Variants in ATP2B1 observed in about 807,000 individuals in gnomAD.
The protein encoded by ATP2B1 is ATPase plasma membrane Ca2+ transporting 1.
ATP2B1 carries 14 observed loss-of-function variants against 124.2 expected under a neutral mutation model. That is an observed-to-expected ratio of 0.11 (90% CI 0.07 to 0.18). The LOEUF (loss-of-function observed/expected upper bound fraction) is 0.18. Among genes scored for constraint, ATP2B1 ranks in the 10% least tolerant of loss-of-function variants. ATP2B1 has a pLI of 1.00. For missense variants in ATP2B1, 763 were observed against 1,466.1 expected (o/e 0.52, Z 7.83); for synonymous variants, 449 against 492.4 (o/e 0.91, Z 1.17).
In ATP2B1 at chr12:89,656,026, T is replaced by C. The variant is rs1885913868; in HGVS notation, c.-140A>G. 1 of 843,164 alleles carries C rather than the reference T, an allele frequency of 1.2e-6. No homozygotes were observed. 52.2% of individuals were successfully genotyped at this position (843,164 alleles called of 1,614,324 possible). A position where few individuals can be genotyped will look rare whatever the true frequency, so the allele number is the denominator to read the frequency against. The stretch of plus-strand genomic sequence containing the variant: ...CATTGTATGACTTTGTAAAGCAGCA[T>C]CAGCAGCAACATTTCCCAGAGAAGT... On this transcript the variant is annotated 5_prime_UTR_variant, in exon 2 of 21. The change abolishes an upstream ATG in the 5' untranslated region. Coordinates refer to ENST00000428670, the MANE Select transcript of ATP2B1 (RefSeq NM_001366521.1).
At chr12:89,636,988 A>G (rs1476376557) in intron 3 of ATP2B1, among the ~76,000 whole-genome samples, 1 of 152,224 alleles carries the variant, frequency 6.6e-6, no homozygotes, top group Non-Finnish European at 1.5e-5. Flanking sequence ...GCCAGAAGAC[A>G]GGAGATTAAC....
chr12:89,627,228 G>A (rs1881029096), intron 7 of ATP2B1, among the ~76,000 whole-genome samples: 2 of 151,856 alleles, frequency 1.3e-5, no homozygotes, highest in South Asian at 2.1e-4. Flanking sequence ...CCTGTGATGC[G>A]GAATAGTCAA....
In ATP2B1 at chr12:89,630,491, ATTG is replaced by A; in HGVS notation, c.928+11_928+13del. On this transcript the variant is annotated intron_variant, in intron 6 of 20. Coordinates refer to ENST00000428670, the MANE Select transcript of ATP2B1 (RefSeq NM_001366521.1). ...TATTTCCAAATACCAATTATAGAAA[ATTG>A]TTATTCTTACTTTTCTTTTCCTTTT... 1 of 1,531,690 alleles carries A rather than the reference ATTG, an allele frequency of 6.5e-7. No individual in the cohort carries two copies. Among genetic ancestry groups the A allele is most frequent in the Non-Finnish European group, 8.8e-7 (1 of 1,136,036 alleles). 94.9% of individuals were successfully genotyped at this position (1,531,690 alleles called of 1,614,324 possible). A position where few individuals can be genotyped will look rare whatever the true frequency, so the allele number is the denominator to read the frequency against.
At chr12:89,626,141 A>G (rs1880839680) in intron 8 of ATP2B1, among the ~76,000 whole-genome samples, 1 of 152,210 alleles carries the variant, frequency 6.6e-6, no homozygotes, top group African/African-American at 2.4e-5. Flanking sequence ...ATTAAAATAT[A>G]ATTAGTTCAT....
intron 1 of ATP2B1, among the ~76,000 whole-genome samples, chr12:89,683,603 C>T (rs1237074363): frequency 1.3e-5 from 2 of 152,154 alleles, no homozygotes; most frequent in African/African-American, 4.8e-5. Context: ...TTCTATCCAG[C>T]CCCCGGTCAT....
At position 89,642,204 on chromosome 12, in the gene ATP2B1, T is replaced by C. The variant is rs1043904959; in HGVS notation, c.360A>G (p.Val120=). 7 of 1,613,750 alleles carry C rather than the reference T, an allele frequency of 4.3e-6. No homozygotes were observed. Among genetic ancestry groups the C allele is most frequent in the Non-Finnish European group, 5.9e-6 (7 of 1,179,750 alleles). Residue 120 remains valine, a synonymous_variant, in exon 3 of 21, where the codon GTA becomes GTG. Transcript: ENST00000428670. ...GCTGATAAAAAGAAAGGCCCAATGA[T>C]ACTATGGCTGCAATTTCTAATATAA... ...TLIILEIAAI[V]SLGLSFYQPP... is the part of the protein sequence containing the mutation.
chr12:89,706,306 G>A (rs1892447435), intron 1 of ATP2B1, among the ~76,000 whole-genome samples: 1 of 151,160 alleles, frequency 6.6e-6, no homozygotes, highest in African/African-American at 2.4e-5. Flanking sequence ...TAAGTTGTTG[G>A]AAGACAACAA....
At chr12:89,598,658 T>C in intron 20 of ATP2B1, 1 of 1,614,004 alleles carries the variant, frequency 6.2e-7, no homozygotes, top group Non-Finnish European at 8.5e-7. Context: ...ATTTGTTACA[T>C]CATGATGCTG....
chr12:89,612,481 C>G (rs1008121749), intron 12 of ATP2B1, among the ~76,000 whole-genome samples: 1 of 151,828 alleles, frequency 6.6e-6, no homozygotes, highest in Non-Finnish European at 1.5e-5. Flanking sequence ...CTATTTAGCT[C>G]TAGCCTATTT....
At chr12:89,642,047 T>C (rs1000390709) in intron 3 of ATP2B1, 111 bp downstream of exon 3, 13 of 1,081,594 alleles carry the variant, frequency 1.2e-5, no homozygotes, top group Non-Finnish European at 1.4e-6. Context: ...GAACAGTGCC[T>C]AGCACATAGC....
intron 20 of ATP2B1, chr12:89,593,883 A>C (rs948757004): frequency 6.6e-6 from 1 of 152,036 alleles, no homozygotes; most frequent in Non-Finnish European, 1.5e-5. Flanking sequence ...AGGAACTCCT[A>C]ATTAGTGCTA....
chr12:89,642,371 A>G lies in ATP2B1; in HGVS notation c.209-16T>C. 1.3e-6 allele frequency: 2 copies of G among 1,585,630 alleles called. No homozygotes were observed. Among genetic ancestry groups the G allele is most frequent in the Non-Finnish European group, 1.7e-6 (2 of 1,164,638 alleles). On this transcript the variant is annotated splice_polypyrimidine_tract_variant and intron_variant, in intron 2 of 20. Transcript: ENST00000428670. ...CCACTTAAACCTAATAAAAAGAAAC[A>G]AATTTCAGTGAACAGTTTTACTTCT... is the stretch of plus-strand genomic sequence containing the variant.
At chr12:89,613,306 A>T (rs1427165325) in intron 12 of ATP2B1, among the ~76,000 whole-genome samples, 1 of 152,164 alleles carries the variant, frequency 6.6e-6, no homozygotes, top group Non-Finnish European at 1.5e-5. Flanking sequence ...TAAAACATGT[A>T]TGCAATGTAA....
chr12:89,663,603 C>T (rs1228606277), intron 1 of ATP2B1, among the ~76,000 whole-genome samples: 4 of 152,176 alleles, frequency 2.6e-5, no homozygotes, highest in African/African-American at 9.7e-5. Flanking sequence ...ATCTAACTAA[C>T]ATCTGCTCCA....
At chr12:89,693,628 A>C (rs1158250710) in intron 1 of ATP2B1, among the ~76,000 whole-genome samples, 3 of 152,208 alleles carry the variant, frequency 2.0e-5, no homozygotes, top group Non-Finnish European at 2.9e-5. Flanking sequence ...TTCCATCACT[A>C]AAATGTAAAT....
intron 3 of ATP2B1, among the ~76,000 whole-genome samples, chr12:89,638,297 C>T (rs766875055): frequency 6.6e-6 from 1 of 152,162 alleles, no homozygotes; most frequent in African/African-American, 2.4e-5. Context: ...ATACTCTCTA[C>T]CACAAGGCAA....
At chr12:89,681,595 A>G (rs1029809077) in intron 1 of ATP2B1, among the ~76,000 whole-genome samples, 2 of 152,094 alleles carry the variant, frequency 1.3e-5, no homozygotes, top group African/African-American at 2.4e-5. Flanking sequence ...AAACCTAATA[A>G]AGAGAAAATT....
chr12:89,595,624 A>G (rs1160651044), intron 20 of ATP2B1, among the ~76,000 whole-genome samples: 2 of 152,114 alleles, frequency 1.3e-5, no homozygotes, highest in African/African-American at 4.8e-5. Context: ...ATTCCATATT[A>G]GGGCAGAAAC....
At chr12:89,681,538 G>T (rs1037282554) in intron 1 of ATP2B1, among the ~76,000 whole-genome samples, 1 of 151,912 alleles carries the variant, frequency 6.6e-6, no homozygotes, top group Non-Finnish European at 1.5e-5. Context: ...GTACCACCAC[G>T]CCCAGCTAAT....
Sources: allele counts gnomAD v4.1 joint callset (sites outside exome capture counted in the v4.1 genomes callset), GRCh38; gene constraint gnomAD v4.1.1; transcripts MANE v1.5; gene names NCBI Gene and HGNC (gene_info 2026-07-23, HGNC 2026-07-21).